Variants in RRP12 observed in about 807,000 individuals in gnomAD.
RRP12 encodes the protein ribosomal RNA processing 12 homolog.
In RRP12, 78 loss-of-function variants were observed where a neutral mutation model predicts 157.3. The observed-to-expected ratio is 0.50, with a 90% CI of 0.41 to 0.60. RRP12 has a LOEUF of 0.60. RRP12 is among the 20% of genes least tolerant of loss of function. The pLI is 0.00. For missense variants in RRP12, 1,521 were observed against 1,679.9 expected, an observed-to-expected ratio of 0.91 and a Z score of 1.65; for synonymous variants, 726 against 670.9, an observed-to-expected ratio of 1.08 and a Z score of -1.27.
intron 23 of RRP12, 45 bp from the exon 24 acceptor site, chr10:97,370,319 G>T: frequency 1.4e-6 from 2 of 1,466,678 alleles, no homozygotes; most frequent in Non-Finnish European, 1.9e-6. Flanking sequence ...GGACCCACCA[G>T]GTAGGGGGGC....
At chr10:97,393,815 GGAAA>G (rs1357547270) in intron 3 of RRP12, 55 bp from the exon 4 acceptor site, 3 of 1,444,880 alleles carry the variant, frequency 2.1e-6, no homozygotes, top group Admixed American at 1.7e-5. Flanking sequence ...TGAGCAAACA[GGAAA>G]GAGAGTGGGG....
chr10:97,372,884 G>T, intron 18 of RRP12, 81 bp from the exon 19 acceptor site: 1 of 1,461,968 alleles, frequency 6.8e-7, no homozygotes, highest in Non-Finnish European at 9.4e-7. Flanking sequence ...GTCCCAGAGC[G>T]GCCTCCCCAT....
Position 97,373,710 on chromosome 10 carries a change from T to A in RRP12, c.1891A>T (p.Thr631Ser), listed in dbSNP as rs1437708706. The change falls in exon 17 of 34, where the codon ACA becomes TCA. Residue 631 changes from threonine (T) to serine (S), a missense_variant. By Grantham distance (58) the Thr-to-Ser change is moderately conservative. Coordinates refer to ENST00000370992, the MANE Select transcript of RRP12 (RefSeq NM_015179.4). Reference sequence around the variant, plus strand: ...GAGATGGCCACATCTGTAGGCCTTGTGCAGAACCCAGGCAGGAGTGTCCAC... The same window carrying A: ...GAGATGGCCACATCTGTAGGCCTTGAGCAGAACCCAGGCAGGAGTGTCCAC... ...QMWTLLPGFC[T>S]RPTDVAISFK... The A allele has an allele frequency of 2.5e-6, 4 of 1,613,500 alleles. No homozygotes were observed. The highest frequency in any genetic ancestry group is 1.3e-5 in the African/African-American group (1 of 74,934).
At chr10:97,371,629 T>A (rs569939920) in intron 20 of RRP12, 3 of 188,436 alleles carry the variant, frequency 1.6e-5, no homozygotes, top group East Asian at 2.6e-4. Context: ...GGCTGAGATC[T>A]GCAGGGTTGC....
At chr10:97,394,176 A>T (rs1245389655) in intron 3 of RRP12, among the ~76,000 whole-genome samples, 5 of 151,978 alleles carry the variant, frequency 3.3e-5, no homozygotes, top group African/African-American at 7.2e-5. Flanking sequence ...CACCGTCTCT[A>T]CTAAAAAATA....
chr10:97,373,117 C>T lies in RRP12; in HGVS notation c.2110G>A (p.Gly704Arg), dbSNP rs763497453. Residue 704 changes from glycine (G) to arginine (R), a missense_variant, in exon 18 of 34, where the codon GGG (glycine) becomes AGG (arginine). Gly to Arg is a moderately radical substitution (Grantham distance 125). Coordinates refer to ENST00000370992, the MANE Select transcript of RRP12 (RefSeq NM_015179.4). Reference protein sequence around the residue: ...FNLYGQPVAAGDTPAPRRAVL... With the variant: ...FNLYGQPVAARDTPAPRRAVL... ...GCCCGGCGAGGGGCTGGAGTGTCCC[C>T]GGCTGCCACGGGCTGCCCATACAGG... The T allele has an allele frequency of 1.5e-5, 24 of 1,614,000 alleles. No homozygotes were observed. Among genetic ancestry groups the T allele is most frequent in the Middle Eastern group, 1.6e-4 (1 of 6,084 alleles).
rs1024310689 is a variant in RRP12 at position 97,393,805 on chromosome 10, T to C, written c.454-45A>G. ...GGTTTGAATGGATAAAAACTTACAC[T>C]GAGCAAACAGGAAAGAGAGTGGGGG... On this transcript the variant is annotated intron_variant, in intron 3 of 33. Coordinates refer to ENST00000370992, the MANE Select transcript of RRP12 (RefSeq NM_015179.4). 12 of 1,511,336 alleles carry C rather than the reference T, an allele frequency of 7.9e-6. No individual in the cohort carries two copies. The African/African-American group carries it at 1.2e-4, about 16-fold the overall frequency. The allele number at this position is 1,511,336 out of a possible 1,614,324, so 93.6% of individuals were successfully genotyped here. A position where few individuals can be genotyped will look rare whatever the true frequency, so the allele number is the denominator to read the frequency against.
At position 97,380,819 on chromosome 10, in the gene RRP12, C is replaced by A. The variant is rs141282535; in HGVS notation, c.1513G>T (p.Ala505Ser). 6.2e-7 allele frequency: 1 copy of A among 1,613,836 alleles called. No individual in the cohort carries two copies. Residue 505 changes from alanine to serine, a missense_variant, in exon 13 of 34, where the codon GCC becomes TCC. Ala to Ser is a moderately conservative substitution (Grantham distance 99). Coordinates refer to ENST00000370992, the MANE Select transcript of RRP12 (RefSeq NM_015179.4). ...CVFFEACGRQ[A>S]HPVMRKCLQS... is the part of the protein sequence containing the mutation. ...CTCACCTTCCTCATCACAGGGTGGG[C>A]CTGTCTCCCACACGCCTCGAAGAAG...
At position 97,391,831 on chromosome 10, in the gene RRP12, G is replaced by C. The variant is rs1589438475; in HGVS notation, c.531-987C>G. Among the ~76,000 whole-genome samples, 3 of 151,824 alleles carry C rather than the reference G, an allele frequency of 2.0e-5. No homozygotes were observed. In the East Asian group the frequency reaches 5.9e-4, roughly 30 times the overall value. ...AGCTACTTGACAGGCTGAGGCACGA[G>C]AACGGTGTGAACCCAGGAGGTGGAG... is the stretch of plus-strand genomic sequence containing the variant. On this transcript the variant is annotated intron_variant, in intron 4 of 33. Coordinates refer to ENST00000370992, the MANE Select transcript of RRP12 (RefSeq NM_015179.4).
chr10:97,357,418 G>A (rs1267881211), intron 33 of RRP12, among the ~76,000 whole-genome samples: 1 of 152,134 alleles, frequency 6.6e-6, no homozygotes, highest in African/African-American at 2.4e-5. Flanking sequence ...CCTGGAAACA[G>A]GCCTCCCTTC....
rs1244214545 is a variant in RRP12 at position 97,363,880 on chromosome 10, G to C, written c.3541C>G (p.Pro1181Ala). Residue 1181 changes from proline to alanine, a missense_variant, in exon 30 of 34, where the codon CCA becomes GCA. Coordinates refer to ENST00000370992, the MANE Select transcript of RRP12 (RefSeq NM_015179.4). ...TTCCTGATGATCACATCTTCCATTG[G>C]GTCAGCCATCTCTTCATCTTCGCCT... Reference protein sequence around the residue: ...AKGEDEEMADPMEDVIIRNKK... With the variant: ...AKGEDEEMADAMEDVIIRNKK... 1 of 1,613,934 alleles carries C rather than the reference G, an allele frequency of 6.2e-7. No individual in the cohort carries two copies. The highest frequency in any genetic ancestry group is 8.5e-7 in the Non-Finnish European group (1 of 1,179,986).
chr10:97,385,365 T>G, intron 9 of RRP12, 108 bp from the exon 10 acceptor site: 1 of 867,628 alleles, frequency 1.2e-6, no homozygotes, highest in Non-Finnish European at 1.9e-6. Flanking sequence ...ACAGTGCTTG[T>G]GACCCTAGCA....
Position 97,373,513 on chromosome 10 carries a change from G to A in RRP12, c.2026+62C>T, listed in dbSNP as rs889804953. 2.1e-5 allele frequency: 31 copies of A among 1,499,090 alleles called. No homozygotes were observed. The African/African-American group carries it at 4.0e-4, about 19-fold the overall frequency. 92.9% of individuals were successfully genotyped at this position (1,499,090 alleles called of 1,614,324 possible). A position where few individuals can be genotyped will look rare whatever the true frequency, so the allele number is the denominator to read the frequency against. ...GCCTGGCAAGGAGTGTAGCAAGCCA[G>A]GGGATGGGGCCAGGGACCTGTGTCA... On this transcript the variant is annotated intron_variant, in intron 17 of 33. Coordinates refer to ENST00000370992, the MANE Select transcript of RRP12 (RefSeq NM_015179.4).
chr10:97,369,592 T>G lies in RRP12; in HGVS notation c.2798-10A>C, dbSNP rs1589417251. On this transcript the variant is annotated splice_polypyrimidine_tract_variant and intron_variant, in intron 24 of 33. Transcript: ENST00000370992. ...CTGGTCCCCATCAGACCTGTGGCAG[T>G]GAGGGGGTCACTGTCTAAGACACCC... The G allele has an allele frequency of 6.4e-7, 1 of 1,554,234 alleles. No homozygotes were observed. Among genetic ancestry groups the G allele is most frequent in the Non-Finnish European group, 8.7e-7 (1 of 1,148,432 alleles).
intron 2 of RRP12, 66 bp downstream of exon 2, chr10:97,400,239 G>C (rs1845101351): frequency 1.7e-6 from 2 of 1,206,072 alleles, no homozygotes; most frequent in Admixed American, 1.8e-5. Flanking sequence ...GTCGGCCAGA[G>C]CTGAAGAAAA....
intron 17 of RRP12, 100 bp from the exon 18 acceptor site, chr10:97,373,300 G>T: frequency 7.8e-7 from 1 of 1,288,896 alleles, no homozygotes; most frequent in Non-Finnish European, 1.1e-6. Context: ...GGGGGAGCTG[G>T]CAGGACTTGG....
At position 97,401,315 on chromosome 10, in the gene RRP12, C is replaced by G; in HGVS notation, c.-84G>C. 6.6e-7 allele frequency: 1 copy of G among 1,526,128 alleles called. No homozygotes were observed. Among genetic ancestry groups the G allele is most frequent in the Non-Finnish European group, 9.0e-7 (1 of 1,114,410 alleles). The allele number at this position is 1,526,128 out of a possible 1,614,324, so 94.5% of individuals were successfully genotyped here. A position where few individuals can be genotyped will look rare whatever the true frequency, so the allele number is the denominator to read the frequency against. On this transcript the variant is annotated 5_prime_UTR_variant, in exon 1 of 34. Transcript: ENST00000370992. ...CACGCTCAGAACCCACGTGGATACC[C>G]TGTAGCCTTCACTTCCTCTTCTTCT...
intron 30 of RRP12, among the ~76,000 whole-genome samples, chr10:97,361,265 G>T (rs116577844): frequency 2.0e-3 from 301 of 152,326 alleles, no homozygotes; most frequent in African/African-American, 7.1e-3. Context: ...CCTACTGTGC[G>T]CCTGGCACTG....
At position 97,393,778 on chromosome 10, in the gene RRP12, G is replaced by A; in HGVS notation, c.454-18C>T. On this transcript the variant is annotated intron_variant, in intron 3 of 33. Transcript: ENST00000370992. ...GTTGTCATCTGAGGGCCAGATTGAG[G>A]GGGTTTGAATGGATAAAAACTTACA... 6.2e-7 allele frequency: 1 copy of A among 1,609,692 alleles called. No individual in the cohort carries two copies. Among genetic ancestry groups the A allele is most frequent in the Non-Finnish European group, 8.5e-7 (1 of 1,176,436 alleles).
Sources: gnomAD v4.1 joint callset for allele counts (sites outside exome capture counted in the v4.1 genomes callset) on GRCh38, gnomAD v4.1.1 for gene constraint, MANE v1.5 for transcripts, NCBI Gene and HGNC (gene_info 2026-07-23, HGNC 2026-07-21) for gene names.